SLC8A1: variants seen among roughly 807,000 people sequenced by gnomAD.
The protein encoded by SLC8A1 is solute carrier family 8 member A1, also known as sodium/calcium exchanger 1.
Under a neutral mutation model 68.3 loss-of-function variants are expected in SLC8A1, and 18 were observed. The observed-to-expected ratio is 0.26, with a 90% CI of 0.18 to 0.39. The LOEUF (loss-of-function observed/expected upper bound fraction) is 0.39, where lower values mean the gene tolerates loss of function less well. Ranked by LOEUF, SLC8A1 falls within the 10% of genes least tolerant of loss-of-function variation. The pLI is 1.00. For synonymous variants in SLC8A1, 475 were observed against 415.5 expected, an observed-to-expected ratio of 1.14 and a Z score of -1.74; for missense variants, 985 against 1,156.7, an observed-to-expected ratio of 0.85 and a Z score of 2.15.
At chr2:40,170,389 G>A in intron 4 of SLC8A1, 40 bp from the exon 7 acceptor site, 1 of 1,539,356 alleles carries the variant, frequency 6.5e-7, no homozygotes, top group Non-Finnish European at 9.0e-7. Context: ...AGAATGGATT[G>A]CATTGATTTG....
chr2:40,302,500 T>C (rs560464457), intron 2 of SLC8A1, among the ~76,000 whole-genome samples: 3 of 150,062 alleles, frequency 2.0e-5, no homozygotes, highest in Non-Finnish European at 4.4e-5. Flanking sequence ...ATATATCATA[T>C]ATGTGTGTGT....
At chr2:40,237,979 C>A (rs576481390) in intron 2 of SLC8A1, among the ~76,000 whole-genome samples, 1 of 151,950 alleles carries the variant, frequency 6.6e-6, no homozygotes, top group African/African-American at 2.4e-5. Flanking sequence ...TCTCCAGCTG[C>A]GTGCTGGGAG....
intron 2 of SLC8A1, among the ~76,000 whole-genome samples, chr2:40,280,598 G>T (rs138044725): frequency 1.3e-5 from 2 of 152,238 alleles, no homozygotes; most frequent in Non-Finnish European, 2.9e-5. Flanking sequence ...TGACATTCAG[G>T]CACTGGGAAT....
chr2:40,150,993 C>T (rs1353965879), intron 6 of SLC8A1, among the ~76,000 whole-genome samples: 4 of 152,134 alleles, frequency 2.6e-5, no homozygotes. Flanking sequence ...ATATCTGGAA[C>T]TTACTCTGTC....
intron 2 of SLC8A1, among the ~76,000 whole-genome samples, chr2:40,354,493 G>T (rs1220209752): frequency 6.6e-6 from 1 of 152,136 alleles, no homozygotes. Flanking sequence ...TTGTGTCAAT[G>T]GAGCAAAGGA....
intron 1 of SLC8A1, among the ~76,000 whole-genome samples, chr2:40,435,298 G>C (rs1416323132): frequency 6.6e-6 from 1 of 152,084 alleles, no homozygotes; most frequent in Non-Finnish European, 1.5e-5. Flanking sequence ...AATGTTTCTA[G>C]ACAAAGAGAT....
At chr2:40,224,648 G>A (rs764268962) in intron 2 of SLC8A1, among the ~76,000 whole-genome samples, 13 of 152,046 alleles carry the variant, frequency 8.6e-5, no homozygotes, top group Non-Finnish European at 1.5e-4. Flanking sequence ...TAGGCTTTGA[G>A]TTAGAGCTAG....
exon 8 of SLC8A1, chr2:40,103,853 T>A (rs2034041985): frequency 6.6e-6 from 1 of 152,338 alleles, no homozygotes; most frequent in Non-Finnish European, 1.5e-5. Flanking sequence ...TACATGGGCT[T>A]GACAAGTGCA....
intron 1 of SLC8A1, among the ~76,000 whole-genome samples, chr2:40,436,957 A>G (rs1699539906): frequency 6.6e-6 from 1 of 152,196 alleles, no homozygotes; most frequent in Admixed American, 6.5e-5. Context: ...GATGGCAATA[A>G]TGACTGAAAT....
intron 1 of SLC8A1, among the ~76,000 whole-genome samples, chr2:40,497,094 A>C (rs1705760979): frequency 6.6e-6 from 1 of 152,136 alleles, no homozygotes; most frequent in Non-Finnish European, 1.5e-5. Flanking sequence ...ATCTGTTTAG[A>C]ATTTAGTAGT....
At chr2:40,303,961 G>C (rs1355184663) in intron 2 of SLC8A1, among the ~76,000 whole-genome samples, 1 of 152,122 alleles carries the variant, frequency 6.6e-6, no homozygotes, top group Non-Finnish European at 1.5e-5. Flanking sequence ...AATGTTCTAG[G>C]TCATGTTTAG....
intron 2 of SLC8A1, among the ~76,000 whole-genome samples, chr2:40,405,369 G>A (rs1247578514): frequency 6.6e-6 from 1 of 152,134 alleles, no homozygotes; most frequent in Admixed American, 6.5e-5. Context: ...ATCCAAGGAA[G>A]GTCTTAAATA....
At chr2:40,190,109 T>G (rs1294678617) in intron 2 of SLC8A1, among the ~76,000 whole-genome samples, 1 of 152,222 alleles carries the variant, frequency 6.6e-6, no homozygotes, top group Non-Finnish European at 1.5e-5. Context: ...TTATTTGTTC[T>G]GTAACAAAAA....
chr2:40,104,461 G>C (rs1230396932), exon 8 of SLC8A1: 2 of 152,186 alleles, frequency 1.3e-5, no homozygotes, highest in Non-Finnish European at 2.9e-5. Flanking sequence ...TATCTTATTA[G>C]TGGAAGACAG....
exon 8 of SLC8A1, chr2:40,107,558 C>T (rs1441099491): frequency 6.6e-6 from 1 of 152,094 alleles, no homozygotes; most frequent in Non-Finnish European, 1.5e-5. Flanking sequence ...TAAAAAAGTA[C>T]TTCTCTTTGT....
At chr2:40,114,118 C>G (rs976299714) in exon 8 of SLC8A1, 10 of 152,732 alleles carry the variant, frequency 6.5e-5, no homozygotes, top group Non-Finnish European at 1.0e-4. Context: ...GTACTATACT[C>G]TACTATATAC....
chr2:40,272,009 G>C, intron 2 of SLC8A1, among the ~76,000 whole-genome samples: 1 of 151,940 alleles, frequency 6.6e-6, no homozygotes. Context: ...TGGGACTACA[G>C]GCATGTACCA....
intron 1 of SLC8A1, among the ~76,000 whole-genome samples, chr2:40,503,674 A>T (rs914782170): frequency 6.6e-6 from 1 of 152,040 alleles, no homozygotes; most frequent in Non-Finnish European, 1.5e-5. Flanking sequence ...GAAACAATAT[A>T]AAAAAGAAAT....
chr2:40,300,951 G>T (rs564560607), intron 2 of SLC8A1, among the ~76,000 whole-genome samples: 3 of 152,100 alleles, frequency 2.0e-5, no homozygotes, highest in African/African-American at 7.2e-5. Context: ...TAATCTATAC[G>T]TAATTGTCCT....
Sources: allele counts gnomAD v4.1 joint callset (sites outside exome capture counted in the v4.1 genomes callset), GRCh38; gene constraint gnomAD v4.1.1; transcripts MANE v1.5; gene names NCBI Gene and HGNC (gene_info 2026-07-23, HGNC 2026-07-21).